WASF2: variants seen among roughly 807,000 people sequenced by gnomAD.
WASF2 encodes WASP family member 2.
In WASF2, 14 loss-of-function variants were observed where a neutral mutation model predicts 45.0. That is an observed-to-expected ratio of 0.31 (90% CI 0.21 to 0.49). The LOEUF is 0.49. Ranked by LOEUF, WASF2 falls within the 20% of genes least tolerant of loss-of-function variation. WASF2 has a pLI of 0.99. For missense variants in WASF2, 439 were observed against 636.1 expected, an observed-to-expected ratio of 0.69 and a Z score of 3.33; for synonymous variants, 200 against 236.3, an observed-to-expected ratio of 0.85 and a Z score of 1.41.
At chr1:27,455,871 T>A (rs1427320894) in intron 1 of WASF2, among the ~76,000 whole-genome samples, 2 of 152,160 alleles carry the variant, frequency 1.3e-5, no homozygotes, top group African/African-American at 4.8e-5. Context: ...CATATTACAG[T>A]TGGAACACGA....
rs2016737449 is a variant in WASF2, at chr1:27,409,901, G to A, written c.1130C>T (p.Thr377Ile). The change falls in exon 8 of 9, where the codon ACT becomes ATT. Residue 377 changes from threonine (T) to isoleucine (I), a missense_variant. Physicochemically the swap from Thr to Ile is moderately conservative, Grantham distance 89 (BLOSUM62 -1). Around this residue, in one of 5 missense-constraint regions of WASF2, gnomAD observed 286 missense variants for 373.5 expected, o/e 0.77. Coordinates refer to ENST00000618852, the MANE Select transcript of WASF2 (RefSeq NM_006990.5). ...CTGGGACAAGGGAGGTGGTGGCAGA[G>A]TTGGGTAGTCAGCTGCTGGTGGTGG... ...PPPPPAADYPTLPPPPLSQPT... is the reference protein window; with the variant it reads ...PPPPPAADYPILPPPPLSQPT... 6.3e-7 allele frequency: 1 copy of A among 1,586,008 alleles called. No homozygotes were observed. Among genetic ancestry groups the A allele is most frequent in the South Asian group, 1.2e-5 (1 of 85,452 alleles).
At chr1:27,489,205 C>T (rs1371317073) in intron 1 of WASF2, among the ~76,000 whole-genome samples, 1 of 151,702 alleles carries the variant, frequency 6.6e-6, no homozygotes, top group Non-Finnish European at 1.5e-5. Context: ...TGGAACAGCC[C>T]CTTTAGACAA....
At chr1:27,441,713 C>G (rs2017232953) in intron 1 of WASF2, among the ~76,000 whole-genome samples, 1 of 139,144 alleles carries the variant, frequency 7.2e-6, no homozygotes, top group Admixed American at 8.0e-5. Flanking sequence ...GAGATTGCGC[C>G]ACTGCACTCC....
At chr1:27,428,696 A>G in intron 2 of WASF2, 65 bp downstream of exon 2, 1 of 1,611,392 alleles carries the variant, frequency 6.2e-7, no homozygotes, top group Admixed American at 1.7e-5. Flanking sequence ...CGGGAGGAGA[A>G]GGAAACTAAA....
intron 1 of WASF2, among the ~76,000 whole-genome samples, chr1:27,473,049 C>A (rs111977406): frequency 6.7e-6 from 1 of 148,374 alleles, no homozygotes; most frequent in Non-Finnish European, 1.5e-5. Context: ...AGTGAAAAGA[C>A]AACCCACAGA....
At chr1:27,437,414 C>G (rs2017151840) in intron 1 of WASF2, among the ~76,000 whole-genome samples, 1 of 152,106 alleles carries the variant, frequency 6.6e-6, no homozygotes, top group African/African-American at 2.4e-5. Context: ...CAGCTGTAAA[C>G]TACACTAAAA....
chr1:27,428,488 A>G (rs537988504), intron 2 of WASF2, among the ~76,000 whole-genome samples: 1 of 152,332 alleles, frequency 6.6e-6, no homozygotes, highest in Admixed American at 6.5e-5. Flanking sequence ...TTTTTGCTGC[A>G]GCCCTTCCTG....
At chr1:27,418,867 GT>G (rs74321458) in intron 3 of WASF2, 86 bp downstream of exon 3, 80,648 of 998,414 alleles carry the variant, frequency 0.081, no homozygotes, top group East Asian at 0.093. Context: ...CTCTCCTCAC[GT>G]TTTTTTTTTT....
chr1:27,480,712 T>C (rs1333995328), intron 1 of WASF2, among the ~76,000 whole-genome samples: 2 of 151,864 alleles, frequency 1.3e-5, no homozygotes, highest in African/African-American at 2.4e-5. Context: ...CCACACGACA[T>C]ATTTAAGAAT....
rs1274273833 is a variant in WASF2 at position 27,409,153 on chromosome 1, G to A, written c.1339+539C>T. 7.2e-5 allele frequency among the ~76,000 whole-genome samples: 11 copies of A among 152,060 alleles called. 1 individual carries two copies. Among genetic ancestry groups the A allele is most frequent in the South Asian group, 6.2e-4 (3 of 4,826 alleles). On this transcript the variant is annotated intron_variant, in intron 8 of 8. Transcript: ENST00000618852. ...AGAATCCTTTACTTTGGCCGGGCGC[G>A]GTGGCTCACGCCTGTAATCCCAGCA...
intron 2 of WASF2, among the ~76,000 whole-genome samples, chr1:27,425,705 G>A (rs1391844025): frequency 6.6e-6 from 1 of 152,118 alleles, no homozygotes; most frequent in Non-Finnish European, 1.5e-5. Context: ...CAGGCATGGT[G>A]GCGGGCGCCT....
chr1:27,415,346 A>AT (rs1177501892), intron 5 of WASF2, among the ~76,000 whole-genome samples: 1 of 152,248 alleles, frequency 6.6e-6, no homozygotes, highest in Non-Finnish European at 1.5e-5. Context: ...TGGGGCACAT[A>AT]TAAGGAAATA....
In WASF2 at chr1:27,428,893, T is replaced by G. The variant is rs1470868432; in HGVS notation, c.-3A>C. 6.2e-7 allele frequency: 1 copy of G among 1,613,788 alleles called. No individual in the cohort carries two copies. The highest frequency in any genetic ancestry group is 8.5e-7 in the Non-Finnish European group (1 of 1,179,980). On this transcript the variant is annotated 5_prime_UTR_variant, in exon 2 of 9. Coordinates refer to ENST00000618852, the MANE Select transcript of WASF2 (RefSeq NM_006990.5). ...ATGTTCCTCGTTACTAACGGCATGG[T>G]GGACCTGCTTCAGGCAATGTTCTGA...
chr1:27,474,886 A>G (rs530005763), intron 1 of WASF2, among the ~76,000 whole-genome samples: 35 of 152,270 alleles, frequency 2.3e-4, no homozygotes, highest in African/African-American at 7.9e-4. Context: ...ACAGAGGTTA[A>G]GGCTGCAGTG....
At chr1:27,485,309 T>C (rs1295863874) in intron 1 of WASF2, among the ~76,000 whole-genome samples, 1 of 152,020 alleles carries the variant, frequency 6.6e-6, no homozygotes, top group Non-Finnish European at 1.5e-5. Flanking sequence ...GGGCAGGGCA[T>C]GAAGTCTCAC....
At position 27,420,514 on chromosome 1, in the gene WASF2, C is replaced by CTTTTT. The variant is rs782294669; in HGVS notation, c.131-1431_131-1427dup. On this transcript the variant is annotated intron_variant, in intron 2 of 8. Transcript: ENST00000618852. ...CATACAAATAAATATACCATCTGAG[C>CTTTTT]TTTTTTTTTTTTTTTTTTTTTTTTG... Among the ~76,000 whole-genome samples the CTTTTT allele has an allele frequency of 6.8e-4, 56 of 82,496 alleles. 2 individuals are homozygous for CTTTTT. The highest frequency in any genetic ancestry group is 8.0e-4 in the Admixed American group (4 of 5,012). The allele number at this position is 82,496 out of a possible 152,430, so 54.1% of individuals were successfully genotyped here.
intron 1 of WASF2, among the ~76,000 whole-genome samples, chr1:27,475,589 T>A (rs1198598816): frequency 6.6e-6 from 1 of 152,214 alleles, no homozygotes; most frequent in African/African-American, 2.4e-5. Flanking sequence ...TTTTATTTTC[T>A]AACATACATC....
At chr1:27,440,978 C>T (rs988115317) in intron 1 of WASF2, among the ~76,000 whole-genome samples, 30 of 152,014 alleles carry the variant, frequency 2.0e-4, no homozygotes, top group Admixed American at 5.9e-4. Flanking sequence ...GCTATCCTCC[C>T]GCCTTAGCCT....
At chr1:27,443,307 TAAAAAAAA>T (rs77018071) in intron 1 of WASF2, among the ~76,000 whole-genome samples, 1 of 53,328 alleles carries the variant, frequency 1.9e-5, no homozygotes, top group Non-Finnish European at 3.8e-5. Flanking sequence ...CACCGTCTCT[TAAAAAAAA>T]AAAAAAAAAA....
Sources: allele counts gnomAD v4.1 joint callset (sites outside exome capture counted in the v4.1 genomes callset), GRCh38; gene constraint gnomAD v4.1.1; regional missense constraint gnomAD v4.1.1; transcripts MANE v1.5; gene names NCBI Gene and HGNC (gene_info 2026-07-23, HGNC 2026-07-21).